HOXB1: variants seen among roughly 807,000 people sequenced by gnomAD.
HOXB1 encodes homeobox B1, also known as homeobox protein Hox-B1.
Under a neutral mutation model 26.9 loss-of-function variants are expected in HOXB1, and 13 were observed. That is an observed-to-expected ratio of 0.48 (90% CI 0.31 to 0.77). HOXB1 has a LOEUF of 0.77. Ranked by LOEUF, HOXB1 falls within the 30% of genes least tolerant of loss-of-function variation. HOXB1 has a pLI of 0.04. For synonymous variants in HOXB1, 168 were observed against 170.8 expected (o/e 0.98, Z 0.13); for missense variants, 366 against 403.6 (o/e 0.91, Z 0.80).
In HOXB1 at chr17:48,529,415, T is replaced by C; in HGVS notation, c.*132A>G. ...CCCCCCTCCCACCCCCAGGCAGCTC[T>C]AAACTGGCATTTCAGCCCTAGAGAG... On this transcript the variant is annotated 3_prime_UTR_variant, in exon 2 of 2. Coordinates refer to ENST00000239174, the MANE Select transcript of HOXB1 (RefSeq NM_002144.4). The C allele has an allele frequency of 1.7e-6, 1 of 587,576 alleles. No individual in the cohort carries two copies. Among genetic ancestry groups the C allele is most frequent in the Non-Finnish European group, 2.7e-6 (1 of 372,032 alleles). The allele number at this position is 587,576 out of a possible 1,614,324, so 36.4% of individuals were successfully genotyped here.
In HOXB1 at chr17:48,531,000, A is replaced by C; in HGVS notation, c.-96T>G. The stretch of plus-strand genomic sequence containing the variant: ...TGTCACAGCGCTGGGGCTCGAATCC[A>C]TGGCCTGACCCGCTCGCCTGGGCAA... On this transcript the variant is annotated 5_prime_UTR_variant, in exon 1 of 2. An upstream start codon of the reference 5' UTR is lost. Transcript: ENST00000239174. The surrounding 1 kb of genome is among the most constrained non-coding windows in gnomAD (Gnocchi z 6.2). 1 of 883,316 alleles carries C rather than the reference A, an allele frequency of 1.1e-6. No individual in the cohort carries two copies. Among genetic ancestry groups the C allele is most frequent in the South Asian group, 1.8e-5 (1 of 54,092 alleles). The allele number at this position is 883,316 out of a possible 1,614,324, so 54.7% of individuals were successfully genotyped here.
In HOXB1 at chr17:48,530,417, T is replaced by A. The variant is rs368946771; in HGVS notation, c.488A>T (p.Asp163Val). 28 of 1,614,106 alleles carry A rather than the reference T, an allele frequency of 1.7e-5. 1 individual carries two copies. The East Asian group carries it at 2.9e-4, about 17-fold the overall frequency. The stretch of plus-strand genomic sequence containing the variant: ...TTCTGAAGGGCAGGGTGTTTCCTTG[T>A]CCTCGGAGAGGAGATCAGCATAGGC... ...APAYADLLSE[D>V]KETPCPSEPN... is the part of the protein sequence containing the mutation. Residue 163 changes from aspartate to valine, a missense_variant, in exon 1 of 2, where the codon GAC becomes GTC. Coordinates refer to ENST00000239174, the MANE Select transcript of HOXB1 (RefSeq NM_002144.4). This position sits in a 1 kb window ranked among gnomAD's most constrained non-coding sequence, Gnocchi z 6.2.
rs2068428744 is a variant in HOXB1, at chr17:48,530,480, G to T, written c.425C>A (p.Pro142His). Residue 142 changes from proline to histidine, a missense_variant, in exon 1 of 2, where the codon CCC (proline) becomes CAC (histidine). Pro to His is a moderately conservative substitution (Grantham distance 77). Transcript: ENST00000239174. The surrounding 1 kb of genome is among the most constrained non-coding windows in gnomAD (Gnocchi z 6.2). ...CGCGGTCTGCTCGTTCCCATAAGGGGGATGCTGCGGAGGATATGGCCCCGG... is the reference window on the plus strand; with the variant it reads ...CGCGGTCTGCTCGTTCCCATAAGGGTGATGCTGCGGAGGATATGGCCCCGG... ...AGPGPYPPQH[P>H]PYGNEQTASF... The T allele has an allele frequency of 6.2e-7, 1 of 1,613,994 alleles. No individual in the cohort carries two copies. The highest frequency in any genetic ancestry group is 1.3e-5 in the African/African-American group (1 of 74,918).
In HOXB1 at chr17:48,529,063, A is replaced by G. The variant is rs1440849714; in HGVS notation, c.*484T>C. The G allele has an allele frequency of 6.5e-6, 1 of 152,834 alleles. No individual in the cohort carries two copies. Among genetic ancestry groups the G allele is most frequent in the Non-Finnish European group, 1.5e-5 (1 of 68,590 alleles). The allele number at this position is 152,834 out of a possible 1,614,324, so 9.5% of individuals were successfully genotyped here. A position where few individuals can be genotyped will look rare whatever the true frequency, so the allele number is the denominator to read the frequency against. ...TGTGGTGACTGGATTAAGCATTGAT[A>G]ATAATATGGCTGCACCCAAACACCT... On this transcript the variant is annotated 3_prime_UTR_variant, in exon 2 of 2. Coordinates refer to ENST00000239174, the MANE Select transcript of HOXB1 (RefSeq NM_002144.4).
rs549417479 is a variant in HOXB1 at position 48,530,800 on chromosome 17, C to A, written c.105G>T (p.Ser35=). 6.2e-7 allele frequency: 1 copy of A among 1,604,336 alleles called. No homozygotes were observed. The highest frequency in any genetic ancestry group is 8.5e-7 in the Non-Finnish European group (1 of 1,175,442). ...HSAPTSFPPS[S]AQAVDSYASE... is the part of the protein sequence containing the mutation. ...TTGCATAGCTGTCAACCGCCTGAGC[C>A]GAGCTTGGGGGAAAGGAGGTTGGGG... The change falls in exon 1 of 2, where the codon TCG becomes TCT. Residue 35 remains serine (S), a synonymous_variant. Coordinates refer to ENST00000239174, the MANE Select transcript of HOXB1 (RefSeq NM_002144.4). This position sits in a 1 kb window ranked among gnomAD's most constrained non-coding sequence, Gnocchi z 6.2.
Position 48,529,829 on chromosome 17 carries a change from G to T in HOXB1, c.624C>A (p.Thr208=), listed in dbSNP as rs764710054. 2 of 1,598,672 alleles carry T rather than the reference G, an allele frequency of 1.3e-6. No homozygotes were observed. Among genetic ancestry groups the T allele is most frequent in the Non-Finnish European group, 1.7e-6 (2 of 1,178,012 alleles). ...PGLGSPSGLR[T]NFTTRQLTEL... is the part of the protein sequence containing the mutation. ...CTGTCAGCTGCCTTGTGGTGAAGTT[G>T]GTGCGGAGGCCACTGGGCGAGCCCA... The change falls in exon 2 of 2, where the codon ACC becomes ACA. Residue 208 remains threonine (T), a synonymous_variant. Transcript: ENST00000239174.
rs1486744106 is a variant in HOXB1, at chr17:48,530,456, G to T, written c.449C>A (p.Ala150Glu). The change falls in exon 1 of 2, where the codon GCG becomes GAG. Residue 150 changes from alanine to glutamate, a missense_variant. Ala to Glu is a moderately radical substitution (Grantham distance 107). Transcript: ENST00000239174. The surrounding 1 kb of genome is among the most constrained non-coding windows in gnomAD (Gnocchi z 6.2). Reference protein sequence around the residue: ...QHPPYGNEQTASFAPAYADLL... With the variant: ...QHPPYGNEQTESFAPAYADLL... ...ATCAGCATAGGCCGGTGCAAAGCTC[G>T]CGGTCTGCTCGTTCCCATAAGGGGG... 40 of 1,614,112 alleles carry T rather than the reference G, an allele frequency of 2.5e-5. 1 individual carries two copies. The East Asian group carries it at 8.7e-4, about 35-fold the overall frequency.
At chr17:48,529,936 C>G (rs954857550) in intron 1 of HOXB1, 61 bp from the exon 2 acceptor site, 9 of 1,407,210 alleles carry the variant, frequency 6.4e-6, no homozygotes, top group African/African-American at 5.7e-5. Context: ...CCTTCCGCTT[C>G]CCTCCTCCCG....
chr17:48,529,690 G>A lies in HOXB1; in HGVS notation c.763C>T (p.Arg255Ter). ...CGCTCGCGCTTCTTCTGCTTCATTC[G>A]TCGGTTCTGGAACCAAATCTTGACC... ...TQVKIWFQNR[R>*]MKQKKREREE... The change falls in exon 2 of 2, where the codon CGA becomes TGA. Residue 255 changes from arginine to a stop codon, truncating the protein, a stop_gained. Coordinates refer to ENST00000239174, the MANE Select transcript of HOXB1 (RefSeq NM_002144.4). LOFTEE classifies it high-confidence loss of function. 3 of 1,613,142 alleles carry A rather than the reference G, an allele frequency of 1.9e-6. No homozygotes were observed. The highest frequency in any genetic ancestry group is 2.5e-6 in the Non-Finnish European group (3 of 1,179,508).
Position 48,529,523 on chromosome 17 carries a change from G to GC in HOXB1, c.*23dup. 1 of 1,502,586 alleles carries GC rather than the reference G, an allele frequency of 6.7e-7. No individual in the cohort carries two copies. Among genetic ancestry groups the GC allele is most frequent in the African/African-American group, 1.4e-5 (1 of 71,468 alleles). The allele number at this position is 1,502,586 out of a possible 1,614,324, so 93.1% of individuals were successfully genotyped here. A position where few individuals can be genotyped will look rare whatever the true frequency, so the allele number is the denominator to read the frequency against. ...GACTGGGGCGCTCCAGTGCCTGGAA[G>GC]CCCCATTGGTGGCTAGGTTCAGTTC... On this transcript the variant is annotated 3_prime_UTR_variant, in exon 2 of 2. Transcript: ENST00000239174.
Position 48,530,246 on chromosome 17 carries a change from GCCC to G in HOXB1, c.577+79_577+81del. 7.9e-7 allele frequency: 1 copy of G among 1,273,602 alleles called. No homozygotes were observed. The highest frequency in any genetic ancestry group is 1.5e-5 in the African/African-American group (1 of 68,018). 78.9% of individuals were successfully genotyped at this position (1,273,602 alleles called of 1,614,324 possible). A position where few individuals can be genotyped will look rare whatever the true frequency, so the allele number is the denominator to read the frequency against. ...AGAGCCGCTGAAAGAGAAGAACCCA[GCCC>G]AGACCCAGGACATGTCACTGCAGGG... On this transcript the variant is annotated intron_variant, in intron 1 of 1. Coordinates refer to ENST00000239174, the MANE Select transcript of HOXB1 (RefSeq NM_002144.4). This position sits in a 1 kb window ranked among gnomAD's most constrained non-coding sequence, Gnocchi z 6.2.
rs201732118 is a variant in HOXB1, at chr17:48,530,864, A to G, written c.41T>C (p.Leu14Pro). 3.2e-5 allele frequency: 50 copies of G among 1,543,962 alleles called. No homozygotes were observed. Among genetic ancestry groups the G allele is most frequent in the East Asian group, 6.7e-5 (3 of 44,484 alleles). The change falls in exon 1 of 2, where the codon CTC becomes CCC. Residue 14 changes from leucine to proline, a missense_variant. Coordinates refer to ENST00000239174, the MANE Select transcript of HOXB1 (RefSeq NM_002144.4). This position sits in a 1 kb window ranked among gnomAD's most constrained non-coding sequence, Gnocchi z 6.2. ...GTAGGCGCTGGGTCCCCGGTTACAGAGTGGGTACTCTAAGAAGGAGTTCAT... is the reference window on the plus strand; with the variant it reads ...GTAGGCGCTGGGTCCCCGGTTACAGGGTGGGTACTCTAAGAAGGAGTTCAT... ...NRMNSFLEYP[L>P]CNRGPSAYSA... is the part of the protein sequence containing the mutation.
In HOXB1 at chr17:48,530,102, T is replaced by G; in HGVS notation, c.577+226A>C. ...CACCAGGTCCTGGGTCTGTGCTGGG[T>G]GCACAGATCAGGAAGTGGGGTGTGT... On this transcript the variant is annotated intron_variant, in intron 1 of 1. Transcript: ENST00000239174. This position sits in a 1 kb window ranked among gnomAD's most constrained non-coding sequence, Gnocchi z 6.2. 1 of 619,124 alleles carries G rather than the reference T, an allele frequency of 1.6e-6. No homozygotes were observed. The highest frequency in any genetic ancestry group is 1.8e-5 in the African/African-American group (1 of 54,254). 38.4% of individuals were successfully genotyped at this position (619,124 alleles called of 1,614,324 possible). A position where few individuals can be genotyped will look rare whatever the true frequency, so the allele number is the denominator to read the frequency against.
chr17:48,530,936 G>A lies in HOXB1; in HGVS notation c.-32C>T, dbSNP rs770313270. ...AGGCCGCAGGAGGGTCGGCCCGTTT[G>A]GGGGAGACACCCTCTTGCCCTACAA... On this transcript the variant is annotated 5_prime_UTR_variant, in exon 1 of 2. Coordinates refer to ENST00000239174, the MANE Select transcript of HOXB1 (RefSeq NM_002144.4). This position sits in a 1 kb window ranked among gnomAD's most constrained non-coding sequence, Gnocchi z 6.2. The A allele has an allele frequency of 5.6e-6, 8 of 1,435,902 alleles. No homozygotes were observed. Among genetic ancestry groups the A allele is most frequent in the Non-Finnish European group, 7.5e-6 (8 of 1,066,882 alleles). The allele number at this position is 1,435,902 out of a possible 1,614,324, so 88.9% of individuals were successfully genotyped here.
In HOXB1 at chr17:48,530,457, C is replaced by A. The variant is rs750258334; in HGVS notation, c.448G>T (p.Ala150Ser). The A allele has an allele frequency of 3.1e-5, 50 of 1,614,010 alleles. No homozygotes were observed. The highest frequency in any genetic ancestry group is 4.5e-5 in the East Asian group (2 of 44,888). Residue 150 changes from alanine to serine, a missense_variant, in exon 1 of 2, where the codon GCG (alanine) becomes TCG (serine). Transcript: ENST00000239174. This position sits in a 1 kb window ranked among gnomAD's most constrained non-coding sequence, Gnocchi z 6.2. Reference sequence around the variant, plus strand: ...TCAGCATAGGCCGGTGCAAAGCTCGCGGTCTGCTCGTTCCCATAAGGGGGA... The same window carrying A: ...TCAGCATAGGCCGGTGCAAAGCTCGAGGTCTGCTCGTTCCCATAAGGGGGA... ...QHPPYGNEQT[A>S]SFAPAYADLL...
Position 48,529,778 on chromosome 17 carries a change from G to A in HOXB1, c.675C>T (p.Asn225=). The part of the protein sequence containing the change: ...LTELEKEFHF[N]KYLSRARRVE... Reference sequence around the variant, plus strand: ...CCCTCCGGGCCCGGCTCAGGTACTTGTTGAAATGGAACTCCTTTTCCAGTT... The same window carrying A: ...CCCTCCGGGCCCGGCTCAGGTACTTATTGAAATGGAACTCCTTTTCCAGTT... Residue 225 remains asparagine (N), a synonymous_variant, in exon 2 of 2, where the codon AAC becomes AAT. Coordinates refer to ENST00000239174, the MANE Select transcript of HOXB1 (RefSeq NM_002144.4). The A allele has an allele frequency of 1.2e-6, 2 of 1,607,132 alleles. No individual in the cohort carries two copies. Among genetic ancestry groups the A allele is most frequent in the South Asian group, 1.1e-5 (1 of 91,078 alleles).
Position 48,529,524 on chromosome 17 carries a change from C to A in HOXB1, c.*23G>T. 3 of 1,505,730 alleles carry A rather than the reference C, an allele frequency of 2.0e-6. No homozygotes were observed. The highest frequency in any genetic ancestry group is 1.8e-6 in the Non-Finnish European group (2 of 1,124,602). 93.3% of individuals were successfully genotyped at this position (1,505,730 alleles called of 1,614,324 possible). ...ACTGGGGCGCTCCAGTGCCTGGAAGCCCCATTGGTGGCTAGGTTCAGTTCA... is the reference window on the plus strand; with the variant it reads ...ACTGGGGCGCTCCAGTGCCTGGAAGACCCATTGGTGGCTAGGTTCAGTTCA... On this transcript the variant is annotated 3_prime_UTR_variant, in exon 2 of 2. Transcript: ENST00000239174.
In HOXB1 at chr17:48,530,685, C is replaced by A. The variant is rs1164029438; in HGVS notation, c.220G>T (p.Val74Leu). 2 of 1,613,092 alleles carry A rather than the reference C, an allele frequency of 1.2e-6. No homozygotes were observed. Among genetic ancestry groups the A allele is most frequent in the South Asian group, 2.2e-5 (2 of 91,020 alleles). ...PAQQPPSTLG[V>L]PFPSSAPSGY... ...GAGGGCGCGGAGCTGGGGAAGGGCA[C>A]CCCCAGGGTCGAAGGCGGCTGCTGG... is the stretch of plus-strand genomic sequence containing the variant. The change falls in exon 1 of 2, where the codon GTG becomes TTG. Residue 74 changes from valine (V) to leucine (L), a missense_variant. Transcript: ENST00000239174. The surrounding 1 kb of genome is among the most constrained non-coding windows in gnomAD (Gnocchi z 6.2).
In HOXB1 at chr17:48,529,832, G is replaced by A. The variant is rs752096698; in HGVS notation, c.621C>T (p.Arg207=). Residue 207 remains arginine (R), a synonymous_variant, in exon 2 of 2, where the codon CGC becomes CGT. Coordinates refer to ENST00000239174, the MANE Select transcript of HOXB1 (RefSeq NM_002144.4). ...TCAGCTGCCTTGTGGTGAAGTTGGT[G>A]CGGAGGCCACTGGGCGAGCCCAGGC... ...EPGLGSPSGL[R]TNFTTRQLTE... is the part of the protein sequence containing the mutation. 1.6e-5 allele frequency: 26 copies of A among 1,598,438 alleles called. No homozygotes were observed. The Admixed American group carries it at 3.8e-4, about 24-fold the overall frequency.
Sources: allele counts gnomAD v4.1 joint callset, GRCh38; gene constraint gnomAD v4.1.1; non-coding constraint Gnocchi (gnomAD v3.1); transcripts MANE v1.5; gene names NCBI Gene and HGNC (gene_info 2026-07-23, HGNC 2026-07-21).